CIB1: variants seen among roughly 807,000 people sequenced by gnomAD.
CIB1 encodes the protein calcium and integrin binding 1, also known as calcium and integrin-binding protein 1.
CIB1 carries 19 observed loss-of-function variants against 25.0 expected under a neutral mutation model. The ratio of observed to expected loss-of-function variants is 0.76; its 90% CI spans 0.53 to 1.12. CIB1 has a LOEUF of 1.12. Among genes scored for constraint, CIB1 ranks in the 50% most tolerant of loss-of-function variants. CIB1 has a pLI of 0.00. For synonymous variants in CIB1, 104 were observed against 98.5 expected (o/e 1.06, Z -0.33); for missense variants, 236 against 242.6 (o/e 0.97, Z 0.18).
the CIB1 span, chr15:90,256,255 C>A: frequency 9.9e-6 from 16 of 1,614,090 alleles, no homozygotes; most frequent in East Asian, 3.3e-4. Flanking sequence ...CCCGGGAGAT[C>A]AAGCCAGGAG....
chr15:90,234,006 C>A, upstream of CIB1: 1 of 1,138,416 alleles, frequency 8.8e-7, no homozygotes, highest in Non-Finnish European at 1.2e-6. Flanking sequence ...GCCACCACCC[C>A]CGGGCCCGCC....
At chr15:90,244,440 C>T in the CIB1 span, 1 of 152,206 alleles carries the variant, frequency 6.6e-6, no homozygotes, top group East Asian at 1.9e-4. Context: ...TCCAGAGGAA[C>T]TAGTCAGTAG....
chr15:90,256,864 T>G, the CIB1 span, among the ~76,000 whole-genome samples: 1 of 151,762 alleles, frequency 6.6e-6, no homozygotes, highest in African/African-American at 2.4e-5. Flanking sequence ...ACTTTTGTAT[T>G]TTTAGTAGAG....
At chr15:90,232,694 G>A (rs977364624) in intron 2 of CIB1, among the ~76,000 whole-genome samples, 2 of 152,178 alleles carry the variant, frequency 1.3e-5, no homozygotes, top group African/African-American at 4.8e-5. Flanking sequence ...AGCTTTGGAG[G>A]TCAGGCGTCT....
At chr15:90,237,646 A>G (rs1047388717), upstream of CIB1, among the ~76,000 whole-genome samples, 3 of 152,074 alleles carry the variant, frequency 2.0e-5, no homozygotes, top group Non-Finnish European at 2.9e-5. Flanking sequence ...AAACATCCCA[A>G]ATGTGCTTGT....
chr15:90,265,533 A>T, the CIB1 span: 1 of 1,385,470 alleles, frequency 7.2e-7, no homozygotes, highest in Non-Finnish European at 9.5e-7. Context: ...CCCTCTCCAC[A>T]GTTACAGGCA....
chr15:90,250,490 T>A, the CIB1 span: 1 of 1,017,954 alleles, frequency 9.8e-7, no homozygotes, highest in Non-Finnish European at 1.4e-6. Flanking sequence ...AACAGTTTTG[T>A]CCTGAAGGGG....
the CIB1 span, among the ~76,000 whole-genome samples, chr15:90,251,911 G>T: frequency 6.6e-6 from 1 of 151,038 alleles, no homozygotes; most frequent in African/African-American, 2.4e-5. Context: ...GTCTCGCTTT[G>T]TCATCCAGGC....
At chr15:90,262,824 T>C in the CIB1 span, 1 of 1,231,494 alleles carries the variant, frequency 8.1e-7, no homozygotes, top group Non-Finnish European at 1.1e-6. Context: ...GAAGATGAAG[T>C]GAGAGAATGG....
At chr15:90,256,568 T>TCTTTCCTTCCTTCCTTCCTTC in the CIB1 span, among the ~76,000 whole-genome samples, 1 of 29,896 alleles carries the variant, frequency 3.3e-5, no homozygotes, top group African/African-American at 1.3e-4. Flanking sequence ...TTTCTTTCTT[T>TCTTTCCTTCCTTCCTTCCTTC]CTTTCTTTCT....
At chr15:90,235,716 C>T (rs1962620819), upstream of CIB1, among the ~76,000 whole-genome samples, 1 of 151,818 alleles carries the variant, frequency 6.6e-6, no homozygotes, top group East Asian at 2.0e-4. Context: ...TACAGGCACC[C>T]GCCACCACAC....
the CIB1 span, chr15:90,257,536 G>C: frequency 1.7e-6 from 2 of 1,149,352 alleles, no homozygotes; most frequent in Non-Finnish European, 2.5e-6. Flanking sequence ...GACAGGAGAC[G>C]AGAGATCCTC....
the CIB1 span, chr15:90,256,131 C>G: frequency 6.2e-7 from 1 of 1,613,458 alleles, no homozygotes; most frequent in Non-Finnish European, 8.5e-7. Context: ...CAGGCCCTCT[C>G]TGCACATAGC....
At chr15:90,263,639 T>G in the CIB1 span, 7 of 598,536 alleles carry the variant, frequency 1.2e-5, no homozygotes, top group South Asian at 1.4e-4. Flanking sequence ...GGTTAAATAG[T>G]GGCCGCGGCC....
At chr15:90,258,472 G>T in the CIB1 span, 4 of 628,614 alleles carry the variant, frequency 6.4e-6, no homozygotes, top group South Asian at 1.9e-5. Flanking sequence ...GGCCTCTACC[G>T]TAGGAATGCA....
the CIB1 span, among the ~76,000 whole-genome samples, chr15:90,239,306 TG>T: frequency 3.7e-4 from 7 of 18,668 alleles, no homozygotes; most frequent in Admixed American, 6.2e-4. Context: ...AGACATAAAA[TG>T]TGTGTGTGTG....
chr15:90,231,827 C>T (rs1188856459), intron 3 of CIB1, among the ~76,000 whole-genome samples: 8 of 152,340 alleles, frequency 5.3e-5, no homozygotes, highest in South Asian at 2.1e-4. Flanking sequence ...TATTTTAAAA[C>T]ACAAATATTT....
chr15:90,239,208 G>C, the CIB1 span, among the ~76,000 whole-genome samples: 6 of 151,460 alleles, frequency 4.0e-5, no homozygotes, highest in African/African-American at 1.2e-4. Context: ...TATAACAAAG[G>C]GTTATATTTT....
the CIB1 span, among the ~76,000 whole-genome samples, chr15:90,246,976 C>A: frequency 6.9e-6 from 1 of 144,706 alleles, no homozygotes; most frequent in Non-Finnish European, 1.5e-5. Context: ...TCTTTCTTTC[C>A]TTTTTTTTTT....
Sources: allele counts gnomAD v4.1 joint callset (sites outside exome capture counted in the v4.1 genomes callset), GRCh38; gene constraint gnomAD v4.1.1; transcripts MANE v1.5; gene names NCBI Gene and HGNC (gene_info 2026-07-23, HGNC 2026-07-21).